The following ZNF662 variants were observed in gnomAD, a reference collection of about 807,000 sequenced individuals.
ZNF662 encodes zinc finger protein 662.
A neutral mutation model predicts 12.4 loss-of-function variants in ZNF662; 14 were observed. The observed-to-expected ratio is 1.13, with a 90% CI of 0.75 to 1.77. The LOEUF (loss-of-function observed/expected upper bound fraction) is 1.77, where lower values mean the gene tolerates loss of function less well. Among genes scored for constraint, ZNF662 ranks in the 40% most tolerant of loss-of-function variants. ZNF662 has a pLI of 0.00. For missense variants in ZNF662, 550 were observed against 515.6 expected (o/e 1.07, Z -0.65); for synonymous variants, 184 against 176.4 (o/e 1.04, Z -0.34).
In ZNF662 at chr3:42,914,860, C is replaced by G; in HGVS notation, c.787C>G (p.Leu263Val). 1.2e-6 allele frequency: 2 copies of G among 1,614,004 alleles called. No homozygotes were observed. The highest frequency in any genetic ancestry group is 4.5e-5 in the East Asian group (2 of 44,868). ...TAAGGCCTTTGTTTGGAAGTCAAAC[C>G]TGATTCGTCACCAGAGAATACATAC... Reference protein sequence around the residue: ...CAKAFVWKSNLIRHQRIHTGE... With the variant: ...CAKAFVWKSNVIRHQRIHTGE... The change falls in exon 5 of 5, where the codon CTG becomes GTG. Residue 263 changes from leucine (L) to valine (V), a missense_variant. Coordinates refer to ENST00000440367, the MANE Select transcript of ZNF662 (RefSeq NM_207404.4).
At chr3:42,914,286 T>C in intron 4 of ZNF662, 41 bp from the exon 5 acceptor site, 3 of 1,528,048 alleles carry the variant, frequency 2.0e-6, no homozygotes, top group Non-Finnish European at 1.8e-6. Flanking sequence ...CGCTGTGTCA[T>C]GGATAATGAT....
chr3:42,917,696 G>A lies in ZNF662; in HGVS notation c.*2342G>A, dbSNP rs1410435326. 6 of 619,934 alleles carry A rather than the reference G, an allele frequency of 9.7e-6. No individual in the cohort carries two copies. The highest frequency in any genetic ancestry group is 7.4e-5 in the African/African-American group (4 of 53,938). The allele number at this position is 619,934 out of a possible 1,614,324, so 38.4% of individuals were successfully genotyped here. A position where few individuals can be genotyped will look rare whatever the true frequency, so the allele number is the denominator to read the frequency against. On this transcript the variant is annotated 3_prime_UTR_variant, in exon 5 of 5. Transcript: ENST00000440367. ...CTTAGCCACACTAATACTGTTTTGT[G>A]TTTGAAATCACTGTTTTCTCATACA... is the stretch of plus-strand genomic sequence containing the variant.
Position 42,917,431 on chromosome 3 carries a change from T to C in ZNF662, c.*2077T>C. On this transcript the variant is annotated 3_prime_UTR_variant, in exon 5 of 5. Transcript: ENST00000440367. ...TGTGAGACCTAGAATTATAGCAACT[T>C]TTTTTTTCTGTTAAAAGGGGAGATT... is the stretch of plus-strand genomic sequence containing the variant. The C allele has an allele frequency of 1.5e-6, 1 of 677,706 alleles. No homozygotes were observed. The highest frequency in any genetic ancestry group is 1.6e-5 in the South Asian group (1 of 62,460). The allele number at this position is 677,706 out of a possible 1,614,324, so 42.0% of individuals were successfully genotyped here.
At chr3:42,912,720 A>ATTTATATATATATAAAAATATATATATT (rs2088841187) in intron 3 of ZNF662, among the ~76,000 whole-genome samples, 1 of 66,430 alleles carries the variant, frequency 1.5e-5, no homozygotes, top group South Asian at 4.2e-4. Flanking sequence ...ATATATATAT[A>ATTTATATATATATAAAAATATATATATT]TTTTTTATAT....
intron 2 of ZNF662, chr3:42,908,436 G>T: frequency 8.0e-7 from 1 of 1,257,856 alleles, no homozygotes; most frequent in Admixed American, 3.7e-5. Context: ...TGAGCCTTCA[G>T]TTCCCTCCCC....
At position 42,915,218 on chromosome 3, in the gene ZNF662, A is replaced by G. The variant is rs142405807; in HGVS notation, c.1145A>G (p.His382Arg). Residue 382 changes from histidine (H) to arginine (R), a missense_variant, in exon 5 of 5, where the codon CAT becomes CGT. Transcript: ENST00000440367. ...KAHLIRHQRI[H>R]TGERPYKCND... ...CATCTTATTCGACATCAAAGAATCC[A>G]TACTGGGGAAAGACCCTATAAATGT... 6.4e-5 allele frequency: 104 copies of G among 1,614,062 alleles called. No homozygotes were observed. Among genetic ancestry groups the G allele is most frequent in the Non-Finnish European group, 8.3e-5 (98 of 1,180,042 alleles).
chr3:42,909,062 T>A (rs543070422), intron 3 of ZNF662, among the ~76,000 whole-genome samples, 153 bp downstream of exon 3: 27 of 152,340 alleles, frequency 1.8e-4, no homozygotes, highest in African/African-American at 2.4e-4. Flanking sequence ...CTTCTTTTTT[T>A]AAAAAAATTT....
rs1248597437 is a variant in ZNF662 at position 42,913,202 on chromosome 3, A to T, written c.153A>T (p.Gly51=). The part of the protein sequence containing the change: ...DGEAPRGISS[G]YPFLKPAGIS... Reference sequence around the variant, plus strand: ...TTATTTGTATCTTGACCCTGGCAGGATATCCATTTCTAAAGCCTGCTGGGA... The same window carrying T: ...TTATTTGTATCTTGACCCTGGCAGGTTATCCATTTCTAAAGCCTGCTGGGA... The change falls in exon 4 of 5, where the codon GGA becomes GGT. Residue 51 remains glycine, a splice_region_variant and synonymous_variant. Coordinates refer to ENST00000440367, the MANE Select transcript of ZNF662 (RefSeq NM_207404.4). The T allele has an allele frequency of 1.2e-6, 2 of 1,612,868 alleles. No individual in the cohort carries two copies. Among genetic ancestry groups the T allele is most frequent in the South Asian group, 1.1e-5 (1 of 91,036 alleles).
At chr3:42,908,223 AGTT>A in intron 2 of ZNF662, 75 bp downstream of exon 2, 4 of 1,540,924 alleles carry the variant, frequency 2.6e-6, no homozygotes, top group Non-Finnish European at 3.5e-6. Context: ...AAGGCTCAGG[AGTT>A]GTTGATAACC....
Position 42,906,572 on chromosome 3 carries a change from C to A in ZNF662, c.-94+404C>A. On this transcript the variant is annotated intron_variant, in intron 1 of 4. Transcript: ENST00000440367. This position sits in a 1 kb window ranked among gnomAD's most constrained non-coding sequence, Gnocchi z 4.4. ...GAGGGGCCTCGAGGGACAGGCAGCA[C>A]AGCGGAGTCGACACCCCTGGACCTG... The A allele has an allele frequency of 2.5e-6, 2 of 814,404 alleles. No homozygotes were observed. Among genetic ancestry groups the A allele is most frequent in the Non-Finnish European group, 3.6e-6 (2 of 559,296 alleles). The allele number at this position is 814,404 out of a possible 1,614,324, so 50.4% of individuals were successfully genotyped here. A position where few individuals can be genotyped will look rare whatever the true frequency, so the allele number is the denominator to read the frequency against.
chr3:42,916,340 C>G lies in ZNF662; in HGVS notation c.*986C>G, dbSNP rs977340689. ...AGGCCACCAAAGTAATTTAGGGAAA[C>G]AGCAGAGGGTAATCCAGGTCTTTTT... On this transcript the variant is annotated 3_prime_UTR_variant, in exon 5 of 5. Coordinates refer to ENST00000440367, the MANE Select transcript of ZNF662 (RefSeq NM_207404.4). 6.7e-6 allele frequency: 1 copy of G among 148,604 alleles called. No individual in the cohort carries two copies. Among genetic ancestry groups the G allele is most frequent in the African/African-American group, 2.5e-5 (1 of 40,488 alleles). The allele number at this position is 148,604 out of a possible 1,614,324, so 9.2% of individuals were successfully genotyped here.
In ZNF662 at chr3:42,906,311, G is replaced by A. The variant is rs892329874; in HGVS notation, c.-94+143G>A. ...CCGCGACCCCAACAGCCTCTGGTCC[G>A]GTCTGGCGCGCCCTCGCTTTCCCAG... is the stretch of plus-strand genomic sequence containing the variant. On this transcript the variant is annotated intron_variant, in intron 1 of 4. Coordinates refer to ENST00000440367, the MANE Select transcript of ZNF662 (RefSeq NM_207404.4). This position sits in a 1 kb window ranked among gnomAD's most constrained non-coding sequence, Gnocchi z 4.4. 10 of 1,521,654 alleles carry A rather than the reference G, an allele frequency of 6.6e-6. No individual in the cohort carries two copies. The highest frequency in any genetic ancestry group is 3.5e-6 in the Non-Finnish European group (4 of 1,137,814). 94.3% of individuals were successfully genotyped at this position (1,521,654 alleles called of 1,614,324 possible). A position where few individuals can be genotyped will look rare whatever the true frequency, so the allele number is the denominator to read the frequency against.
In ZNF662 at chr3:42,915,295, A is replaced by G; in HGVS notation, c.1222A>G (p.Arg408Gly). The G allele has an allele frequency of 2.5e-6, 4 of 1,611,142 alleles. No individual in the cohort carries two copies. The highest frequency in any genetic ancestry group is 3.4e-6 in the Non-Finnish European group (4 of 1,178,600). The change falls in exon 5 of 5, where the codon AGG (arginine) becomes GGG (glycine). Residue 408 changes from arginine to glycine, a missense_variant. Physicochemically the swap from Arg to Gly is moderately radical, Grantham distance 125. Coordinates refer to ENST00000440367, the MANE Select transcript of ZNF662 (RefSeq NM_207404.4). ...SQNSVLIKHQ[R>G]RHARDKPYNC... ...GAATTCTGTCTTAATTAAGCACCAG[A>G]GGCGCCATGCTAGAGACAAACCCTA... is the stretch of plus-strand genomic sequence containing the variant.
At chr3:42,910,930 A>G (rs781710682) in intron 3 of ZNF662, among the ~76,000 whole-genome samples, 1 of 152,180 alleles carries the variant, frequency 6.6e-6, no homozygotes, top group Non-Finnish European at 1.5e-5. Flanking sequence ...TCTGAGGTAG[A>G]GTGGGCTGCA....
At chr3:42,907,628 T>C (rs1361815911) in intron 1 of ZNF662, 1 of 951,072 alleles carries the variant, frequency 1.1e-6, no homozygotes, top group Non-Finnish European at 1.3e-6. Flanking sequence ...ACAAAGAATA[T>C]ATGTCAAGTG....
chr3:42,910,721 T>C (rs1022428305), intron 3 of ZNF662, among the ~76,000 whole-genome samples: 7 of 152,200 alleles, frequency 4.6e-5, no homozygotes, highest in Non-Finnish European at 7.4e-5. Context: ...TGTTTCCTGG[T>C]TGCCTCCTTG....
intron 4 of ZNF662, among the ~76,000 whole-genome samples, chr3:42,913,838 C>A (rs7633453): frequency 0.95 from 144,551 of 152,162 alleles, 68,858 homozygotes; most frequent in East Asian, 1. Flanking sequence ...GAACTTGGTG[C>A]TTGGATTGAA....
chr3:42,914,953 C>T lies in ZNF662; in HGVS notation c.880C>T (p.His294Tyr). ...GFSQNTSLTQ[H>Y]QRIHTGEKPY... ...TAGTCAGAACACAAGCCTTACGCAA[C>T]ATCAACGGATCCACACTGGTGAGAA... The change falls in exon 5 of 5, where the codon CAT becomes TAT. Residue 294 changes from histidine (H) to tyrosine (Y), a missense_variant. His to Tyr is a moderately conservative substitution (Grantham distance 83). Transcript: ENST00000440367. 6.2e-7 allele frequency: 1 copy of T among 1,613,854 alleles called. No homozygotes were observed.
rs2088874457 is a variant in ZNF662 at position 42,914,507 on chromosome 3, G to A, written c.434G>A (p.Gly145Glu). The change falls in exon 5 of 5, where the codon GGA (glycine) becomes GAA (glutamate). Residue 145 changes from glycine to glutamate, a missense_variant. Physicochemically the swap from Gly to Glu is moderately conservative, Grantham distance 98 (BLOSUM62 -2). Transcript: ENST00000440367. ...LGRWPGYLNGGRMESSTNDII... is the reference protein window; with the variant it reads ...LGRWPGYLNGERMESSTNDII... ...AGATGGCCTGGTTACCTCAATGGGG[G>A]ACGTATGGAAAGTTCTACAAATGAT... is the stretch of plus-strand genomic sequence containing the variant. 3.1e-6 allele frequency: 5 copies of A among 1,614,080 alleles called. No homozygotes were observed. The highest frequency in any genetic ancestry group is 1.7e-4 in the Middle Eastern group (1 of 6,060).
Sources: allele counts gnomAD v4.1 joint callset (sites outside exome capture counted in the v4.1 genomes callset), GRCh38; gene constraint gnomAD v4.1.1; non-coding constraint Gnocchi (gnomAD v3.1); transcripts MANE v1.5; gene names NCBI Gene and HGNC (gene_info 2026-07-23, HGNC 2026-07-21).